The following TNFRSF13B variants were observed in gnomAD, a reference collection of about 807,000 sequenced individuals.
TNFRSF13B encodes the protein TNF receptor superfamily member 13B.
Under a neutral mutation model 24.0 loss-of-function variants are expected in TNFRSF13B, and 34 were observed. That is an observed-to-expected ratio of 1.41 (90% CI 1.08 to 1.88). The LOEUF (loss-of-function observed/expected upper bound fraction) is 1.88, where lower values mean the gene tolerates loss of function less well. Among genes scored for constraint, TNFRSF13B ranks in the 40% most tolerant of loss-of-function variants. The pLI is 0.00. For synonymous variants in TNFRSF13B, 173 were observed against 150.3 expected (o/e 1.15, Z -1.10); for missense variants, 415 against 380.8 (o/e 1.09, Z -0.75).
intron 1 of TNFRSF13B, among the ~76,000 whole-genome samples, chr17:16,953,655 A>C (rs6502540): frequency 6.6e-6 from 1 of 152,172 alleles, no homozygotes; most frequent in Non-Finnish European, 1.5e-5. Flanking sequence ...GTTACTGTGA[A>C]TCTTCCACTG....
In TNFRSF13B at chr17:16,952,585, T is replaced by C. The variant is rs1286673507; in HGVS notation, c.62-2A>G. 3 of 1,614,074 alleles carry C rather than the reference T, an allele frequency of 1.9e-6. No homozygotes were observed. Among genetic ancestry groups the C allele is most frequent in the Admixed American group, 3.3e-5 (2 of 59,996 alleles). ...CCCCCGTCCACAGGCCCTGTGGAAC[T>C]GAGAGACCAGGAGAGTGAGGGCAGC... is the stretch of plus-strand genomic sequence containing the variant. On this transcript the variant is annotated splice_acceptor_variant, in intron 1 of 4. Transcript: ENST00000261652. LOFTEE classifies it high-confidence loss of function.
intron 3 of TNFRSF13B, among the ~76,000 whole-genome samples, chr17:16,946,212 G>A (rs1004532497): frequency 6.6e-6 from 1 of 152,228 alleles, no homozygotes; most frequent in Non-Finnish European, 1.5e-5. Flanking sequence ...CACAGGCCCT[G>A]CCCATGGGAC....
At chr17:16,944,300 G>A (rs2087532406) in intron 3 of TNFRSF13B, among the ~76,000 whole-genome samples, 2 of 152,178 alleles carry the variant, frequency 1.3e-5, no homozygotes, top group South Asian at 4.1e-4. Context: ...TCCACCGTGT[G>A]GCTTCAACAT....
At position 16,939,475 on chromosome 17, in the gene TNFRSF13B, T is replaced by C; in HGVS notation, c.*72A>G. On this transcript the variant is annotated 3_prime_UTR_variant, in exon 5 of 5. Coordinates refer to ENST00000261652, the MANE Select transcript of TNFRSF13B (RefSeq NM_012452.3). The stretch of plus-strand genomic sequence containing the variant: ...TCTCTCTCCTCATATCTCTCTCCCC[T>C]CTCCCCACCTCTCTTTCTCTCTCCC... 2.0e-6 allele frequency: 3 copies of C among 1,490,740 alleles called. No homozygotes were observed. The highest frequency in any genetic ancestry group is 2.7e-6 in the Non-Finnish European group (3 of 1,100,828). 92.3% of individuals were successfully genotyped at this position (1,490,740 alleles called of 1,614,324 possible). A position where few individuals can be genotyped will look rare whatever the true frequency, so the allele number is the denominator to read the frequency against.
At position 16,959,137 on chromosome 17, in the gene TNFRSF13B, A is replaced by G. The variant is rs530400202; in HGVS notation, c.62-6554T>C. ...ATTATTCAAAGTTTCTTTTCTGATCATAGTGGTATAAAACTACAGATCAAT... is the reference window on the plus strand; with the variant it reads ...ATTATTCAAAGTTTCTTTTCTGATCGTAGTGGTATAAAACTACAGATCAAT... On this transcript the variant is annotated intron_variant, in intron 1 of 4. Transcript: ENST00000261652. Among the ~76,000 whole-genome samples, 14 of 152,206 alleles carry G rather than the reference A, an allele frequency of 9.2e-5. No homozygotes were observed. In the South Asian group the frequency reaches 2.7e-3, roughly 29 times the overall value.
At chr17:16,940,717 C>T (rs1337920975) in intron 3 of TNFRSF13B, 14 of 1,448,528 alleles carry the variant, frequency 9.7e-6, no homozygotes, top group South Asian at 8.6e-5. Context: ...CAGCAACTTT[C>T]TAAGGCCTCA....
At chr17:16,958,007 A>G (rs1250350150) in intron 1 of TNFRSF13B, among the ~76,000 whole-genome samples, 1 of 152,210 alleles carries the variant, frequency 6.6e-6, no homozygotes, top group East Asian at 1.9e-4. Context: ...TTTTTTCTAT[A>G]TGATTTAATA....
At chr17:16,971,522 G>A (rs951668004) in intron 1 of TNFRSF13B, among the ~76,000 whole-genome samples, 1 of 152,170 alleles carries the variant, frequency 6.6e-6, no homozygotes, top group Non-Finnish European at 1.5e-5. Context: ...AAAGACATTG[G>A]TGAGACAGTT....
chr17:16,958,925 G>C (rs917291079), intron 1 of TNFRSF13B, among the ~76,000 whole-genome samples: 12 of 151,858 alleles, frequency 7.9e-5, no homozygotes, highest in African/African-American at 2.9e-4. Flanking sequence ...ACATAAATAA[G>C]AAAATAGAGG....
intron 3 of TNFRSF13B, among the ~76,000 whole-genome samples, chr17:16,944,601 G>A (rs958407953): frequency 5.3e-5 from 8 of 152,168 alleles, no homozygotes; most frequent in African/African-American, 1.2e-4. Context: ...TGGCTCCCGT[G>A]CACTGAGAGG....
rs1002042381 is a variant in TNFRSF13B at position 16,952,504 on chromosome 17, G to T, written c.141C>A (p.Cys47Ter). ...EQYWDPLLGTCMSCKTICNHQ... is the reference protein window; with the variant it reads ...EQYWDPLLGT ...GGTTGCAAATGGTTTTGCAGGACATGCAGGTACCCAGCAGAGGATCCCAGT... is the reference window on the plus strand; with the variant it reads ...GGTTGCAAATGGTTTTGCAGGACATTCAGGTACCCAGCAGAGGATCCCAGT... Residue 47 changes from cysteine to a stop codon, truncating the protein, a stop_gained, in exon 2 of 5, where the codon TGC becomes TGA. Transcript: ENST00000261652. LOFTEE classifies it high-confidence loss of function. 2.5e-6 allele frequency: 4 copies of T among 1,614,070 alleles called. No homozygotes were observed. Among genetic ancestry groups the T allele is most frequent in the Non-Finnish European group, 2.5e-6 (3 of 1,180,032 alleles).
At chr17:16,966,092 A>G (rs910493751) in intron 1 of TNFRSF13B, among the ~76,000 whole-genome samples, 8 of 152,096 alleles carry the variant, frequency 5.3e-5, no homozygotes, top group Admixed American at 1.3e-4. Flanking sequence ...TGTCTTTACT[A>G]GAAATACAAA....
intron 1 of TNFRSF13B, among the ~76,000 whole-genome samples, chr17:16,962,224 A>G (rs1241743100): frequency 6.6e-6 from 1 of 152,220 alleles, no homozygotes; most frequent in Non-Finnish European, 1.5e-5. Flanking sequence ...AAAGAAAGGT[A>G]GGCCAGGTGT....
At chr17:16,941,731 C>G (rs1357093993) in intron 3 of TNFRSF13B, among the ~76,000 whole-genome samples, 1 of 152,212 alleles carries the variant, frequency 6.6e-6, no homozygotes, top group Non-Finnish European at 1.5e-5. Context: ...ATTTTTATCA[C>G]CAAACAGAAA....
At chr17:16,941,498 G>C (rs527344357) in intron 3 of TNFRSF13B, 1 of 987,616 alleles carries the variant, frequency 1.0e-6, no homozygotes, top group Middle Eastern at 2.8e-4. Context: ...AGACAGATGA[G>C]CCAGATTTAA....
At chr17:16,959,207 C>T (rs897527328) in intron 1 of TNFRSF13B, among the ~76,000 whole-genome samples, 1 of 151,880 alleles carries the variant, frequency 6.6e-6, no homozygotes, top group African/African-American at 2.4e-5. Context: ...GTAAATTAAA[C>T]AACACGCTCT....
chr17:16,949,312 A>T (rs2087572400), intron 2 of TNFRSF13B, among the ~76,000 whole-genome samples: 1 of 152,222 alleles, frequency 6.6e-6, no homozygotes, highest in South Asian at 2.1e-4. Context: ...ATTTTCAGTT[A>T]TCATTTAAAA....
intron 1 of TNFRSF13B, among the ~76,000 whole-genome samples, chr17:16,971,380 CAAA>C (rs1328621652): frequency 4.6e-5 from 5 of 109,616 alleles, no homozygotes; most frequent in African/African-American, 2.0e-4. Flanking sequence ...AACAACAAAA[CAAA>C]AAAAAAGAAA....
intron 1 of TNFRSF13B, among the ~76,000 whole-genome samples, chr17:16,957,257 G>A (rs1052747797): frequency 4.6e-5 from 7 of 150,794 alleles, no homozygotes; most frequent in African/African-American, 1.7e-4. Flanking sequence ...TTAATGGAAG[G>A]GAACTATCGC....
Sources: gnomAD v4.1 joint callset for allele counts (sites outside exome capture counted in the v4.1 genomes callset) on GRCh38, gnomAD v4.1.1 for gene constraint, MANE v1.5 for transcripts, NCBI Gene and HGNC (gene_info 2026-07-23, HGNC 2026-07-21) for gene names.